BANK1: variants seen among roughly 807,000 people sequenced by gnomAD.
The protein encoded by BANK1 is B cell scaffold protein with ankyrin repeats 1, also known as B-cell scaffold protein with ankyrin repeats.
A neutral mutation model predicts 94.5 loss-of-function variants in BANK1; 95 were observed. That is an observed-to-expected ratio of 1.00 (90% CI 0.85 to 1.19). The LOEUF (loss-of-function observed/expected upper bound fraction) is 1.19. Ranked by LOEUF, BANK1 falls within the 50% of genes most tolerant of loss-of-function variation. The pLI is 0.00. For synonymous variants in BANK1, 334 were observed against 308.4 expected (o/e 1.08, Z -0.87); for missense variants, 987 against 932.2 (o/e 1.06, Z -0.77).
At chr4:101,993,285 T>A (rs1050935959) in intron 7 of BANK1, among the ~76,000 whole-genome samples, 3 of 152,208 alleles carry the variant, frequency 2.0e-5, no homozygotes, top group Non-Finnish European at 4.4e-5. Flanking sequence ...CATCGTTTTC[T>A]CATACTTTCT....
chr4:102,052,459 C>T (rs1728085208), intron 11 of BANK1, among the ~76,000 whole-genome samples: 1 of 151,944 alleles, frequency 6.6e-6, no homozygotes, highest in Non-Finnish European at 1.5e-5. Flanking sequence ...AGTTCATAAA[C>T]TAAAACTACT....
At chr4:101,803,736 G>A (rs1246992885) in intron 1 of BANK1, among the ~76,000 whole-genome samples, 10 of 151,998 alleles carry the variant, frequency 6.6e-5, no homozygotes, top group African/African-American at 2.2e-4. Context: ...GGTGGCTCAC[G>A]CCTGTAATCC....
At chr4:102,026,806 G>C (rs571013521) in intron 9 of BANK1, among the ~76,000 whole-genome samples, 1 of 141,528 alleles carries the variant, frequency 7.1e-6, no homozygotes, top group Non-Finnish European at 1.5e-5. Context: ...TGGGCAACAA[G>C]AGTGAGACTC....
Position 101,825,562 on chromosome 4 carries a change from A to G in BANK1, c.71-4246A>G, listed in dbSNP as rs147902509. 5.9e-3 allele frequency among the ~76,000 whole-genome samples: 898 copies of G among 152,204 alleles called. 19 individuals carry two copies. In the East Asian group the frequency reaches 0.061, roughly 10 times the overall value. ...ACTATCTTTGTGGCTCTGATAAGTA[A>G]CTTAACCCCTCTGAGCCTCGATGAG... is the stretch of plus-strand genomic sequence containing the variant. On this transcript the variant is annotated intron_variant, in intron 1 of 16. Coordinates refer to ENST00000322953, the MANE Select transcript of BANK1 (RefSeq NM_017935.5).
At chr4:101,798,876 G>A (rs1419540218) in intron 1 of BANK1, among the ~76,000 whole-genome samples, 3 of 152,034 alleles carry the variant, frequency 2.0e-5, no homozygotes, top group Non-Finnish European at 2.9e-5. Context: ...TTGTCAGATG[G>A]GTAGATTGTA....
chr4:101,901,357 A>T (rs1473050228), intron 6 of BANK1, among the ~76,000 whole-genome samples: 1 of 152,262 alleles, frequency 6.6e-6, no homozygotes, highest in African/African-American at 2.4e-5. Context: ...AGTAGAGAGG[A>T]AAAAGAGCTA....
At chr4:101,829,770 G>A in intron 1 of BANK1, 38 bp from the exon 2 acceptor site, 1 of 1,338,578 alleles carries the variant, frequency 7.5e-7, no homozygotes, top group Non-Finnish European at 1.0e-6. Flanking sequence ...CCTGCTGATA[G>A]CATTGCAAAT....
intron 7 of BANK1, among the ~76,000 whole-genome samples, chr4:101,938,398 G>T (rs1181783487): frequency 1.3e-5 from 2 of 151,182 alleles, no homozygotes; most frequent in Admixed American, 1.3e-4. Flanking sequence ...GCACAACAGG[G>T]TTACTACAGT....
chr4:101,790,874 C>A lies in BANK1; in HGVS notation c.-7C>A, dbSNP rs1250742427. ...AGTGCGCAGGCCCCTCGGCTTCAAC[C>A]GCCACAATGCTGCCAGCAGCGCCAG... On this transcript the variant is annotated 5_prime_UTR_variant, in exon 1 of 17. Transcript: ENST00000322953. 2.6e-6 allele frequency: 4 copies of A among 1,538,238 alleles called. No individual in the cohort carries two copies. The Admixed American group carries it at 5.9e-5, about 23-fold the overall frequency.
chr4:102,044,973 T>G (rs539992767), intron 11 of BANK1, among the ~76,000 whole-genome samples: 85 of 146,876 alleles, frequency 5.8e-4, no homozygotes, highest in South Asian at 1.8e-3. Context: ...TTTCTCCCAT[T>G]TTGTAGGTTG....
At chr4:102,018,461 T>C (rs1466652507) in intron 7 of BANK1, among the ~76,000 whole-genome samples, 1 of 152,198 alleles carries the variant, frequency 6.6e-6, no homozygotes, top group African/African-American at 2.4e-5. Context: ...GAAGATTGTT[T>C]TTATTCACTT....
intron 6 of BANK1, among the ~76,000 whole-genome samples, chr4:101,901,461 T>G (rs1722280119): frequency 6.6e-6 from 1 of 152,220 alleles, no homozygotes; most frequent in African/African-American, 2.4e-5. Flanking sequence ...TCATTTGCTG[T>G]ATACCTTTTC....
intron 2 of BANK1, among the ~76,000 whole-genome samples, chr4:101,840,924 G>A (rs1202578307): frequency 6.6e-6 from 1 of 152,114 alleles, no homozygotes; most frequent in African/African-American, 2.4e-5. Flanking sequence ...CTACCTTGCA[G>A]GTTCAACCAA....
chr4:101,864,005 A>G (rs904792644), intron 4 of BANK1, among the ~76,000 whole-genome samples: 3 of 152,182 alleles, frequency 2.0e-5, no homozygotes, highest in African/African-American at 7.2e-5. Flanking sequence ...AAAGAATAAA[A>G]CATGTCAAAG....
In BANK1 at chr4:101,948,413, A is replaced by C. The variant is rs117986999; in HGVS notation, c.1206+30224A>C. Among the ~76,000 whole-genome samples, 852 of 152,226 alleles carry C rather than the reference A, an allele frequency of 5.6e-3. 15 individuals are homozygous for C. The East Asian group carries it at 0.056, about 10-fold the overall frequency. On this transcript the variant is annotated intron_variant, in intron 7 of 16. Transcript: ENST00000322953. ...CATGTAACAGGTTGCAAAATTTCCT[A>C]ATTGACACTCAGATCTGCAAATAAT...
chr4:101,977,220 G>T (rs1298008926), intron 7 of BANK1: 1 of 152,102 alleles, frequency 6.6e-6, no homozygotes, highest in Non-Finnish European at 1.5e-5. Flanking sequence ...ACCCAGCCTG[G>T]CAGACTTCAT....
At chr4:101,984,416 A>G (rs1054083349) in intron 7 of BANK1, among the ~76,000 whole-genome samples, 2 of 152,096 alleles carry the variant, frequency 1.3e-5, no homozygotes, top group Non-Finnish European at 2.9e-5. Context: ...CTAACTTACC[A>G]GGAAAAGCTT....
At chr4:101,995,706 CT>C (rs1338664290) in intron 7 of BANK1, among the ~76,000 whole-genome samples, 4 of 152,280 alleles carry the variant, frequency 2.6e-5, no homozygotes, top group South Asian at 2.1e-4. Flanking sequence ...TGATGATGAG[CT>C]TTTTTTCATA....
In BANK1 at chr4:101,807,315, A is replaced by G. The variant is rs74444998; in HGVS notation, c.70+16365A>G. On this transcript the variant is annotated intron_variant, in intron 1 of 16. Transcript: ENST00000322953. ...CGTAGATAAGAAAATCACTACTGCC[A>G]TAAGTAGAAGGTAAACATACAAACA... Among the ~76,000 whole-genome samples the G allele has an allele frequency of 5.3e-3, 810 of 152,342 alleles. 12 individuals are homozygous for G. The East Asian group carries it at 0.063, about 12-fold the overall frequency.
Sources: allele counts gnomAD v4.1 joint callset (sites outside exome capture counted in the v4.1 genomes callset), GRCh38; gene constraint gnomAD v4.1.1; transcripts MANE v1.5; gene names NCBI Gene and HGNC (gene_info 2026-07-23, HGNC 2026-07-21).